The following COL25A1 variants were observed in gnomAD, a reference collection of about 807,000 sequenced individuals.
COL25A1 encodes collagen alpha-1(XXV) chain.
In COL25A1, 103 loss-of-function variants were observed where a neutral mutation model predicts 128.4. The ratio of observed to expected loss-of-function variants is 0.80; its 90% CI spans 0.68 to 0.94. The LOEUF (loss-of-function observed/expected upper bound fraction) is 0.94. Ranked by LOEUF, COL25A1 falls within the 40% of genes least tolerant of loss-of-function variation. The pLI, the probability that COL25A1 is intolerant of heterozygous loss-of-function variation, is 0.00. For synonymous variants in COL25A1, 279 were observed against 277.2 expected (o/e 1.01, Z -0.06); for missense variants, 745 against 840.0 (o/e 0.89, Z 1.40).
intron 3 of COL25A1, among the ~76,000 whole-genome samples, chr4:109,201,399 T>C (rs1776544173): frequency 6.6e-6 from 1 of 152,174 alleles, no homozygotes; most frequent in East Asian, 1.9e-4. Context: ...AATACAGTCA[T>C]ATAAATAGAT....
intron 3 of COL25A1, among the ~76,000 whole-genome samples, chr4:109,065,548 G>A (rs1472422910): frequency 8.9e-5 from 5 of 55,944 alleles, no homozygotes; most frequent in Admixed American, 2.3e-4. Context: ...GCGCGCGCGT[G>A]TGTGTGTGTG....
intron 3 of COL25A1, among the ~76,000 whole-genome samples, chr4:109,238,297 T>C (rs1348219890): frequency 6.6e-6 from 1 of 152,074 alleles, no homozygotes; most frequent in East Asian, 1.9e-4. Context: ...AGGGAGAGAA[T>C]AGCGAAACAC....
intron 35 of COL25A1, among the ~76,000 whole-genome samples, chr4:108,820,413 T>C (rs932695657): frequency 6.6e-6 from 1 of 152,272 alleles, no homozygotes; most frequent in Non-Finnish European, 1.5e-5. Flanking sequence ...TTATGATTGA[T>C]ATTACTTGTG....
intron 3 of COL25A1, among the ~76,000 whole-genome samples, chr4:109,298,229 T>C (rs2126291340): frequency 6.6e-6 from 1 of 152,266 alleles, no homozygotes; most frequent in South Asian, 2.1e-4. Flanking sequence ...CCTTTTCATC[T>C]CTCTCTCACA....
chr4:109,216,161 C>G (rs1777962813), intron 3 of COL25A1, among the ~76,000 whole-genome samples: 1 of 152,008 alleles, frequency 6.6e-6, no homozygotes, highest in South Asian at 2.1e-4. Context: ...TGCATGAGAT[C>G]AGGAACTTTG....
At chr4:109,082,973 T>C (rs895322694) in intron 3 of COL25A1, among the ~76,000 whole-genome samples, 4 of 152,192 alleles carry the variant, frequency 2.6e-5, no homozygotes, top group African/African-American at 7.2e-5. Flanking sequence ...ATGAGAAATA[T>C]AATATGATGA....
chr4:108,911,665 T>G (rs1446799328), intron 13 of COL25A1, among the ~76,000 whole-genome samples: 1 of 152,214 alleles, frequency 6.6e-6, no homozygotes, highest in Non-Finnish European at 1.5e-5. Context: ...CTTTTCCCAA[T>G]TATGGATACA....
At chr4:109,007,507 C>T (rs538712946) in intron 6 of COL25A1, among the ~76,000 whole-genome samples, 7 of 152,016 alleles carry the variant, frequency 4.6e-5, no homozygotes, top group South Asian at 2.1e-4. Context: ...AGAAAGATCA[C>T]GTGAGGGTAT....
At chr4:109,215,263 A>G (rs1777896022) in intron 3 of COL25A1, among the ~76,000 whole-genome samples, 1 of 152,194 alleles carries the variant, frequency 6.6e-6, no homozygotes, top group African/African-American at 2.4e-5. Flanking sequence ...ATGAAAGTAC[A>G]CAATTTCTTT....
chr4:108,839,359 C>CA (rs1734157243), intron 31 of COL25A1, among the ~76,000 whole-genome samples: 1 of 152,150 alleles, frequency 6.6e-6, no homozygotes, highest in Non-Finnish European at 1.5e-5. Flanking sequence ...ACTGGCATGG[C>CA]ATAAAAAGTT....
At chr4:109,019,346 A>ACG (rs2126061035) in intron 5 of COL25A1, among the ~76,000 whole-genome samples, 1 of 40,168 alleles carries the variant, frequency 2.5e-5, no homozygotes, top group East Asian at 1.4e-3. Flanking sequence ...GTATACACAC[A>ACG]CATACACACA....
chr4:109,264,558 G>A (rs1781667171), intron 3 of COL25A1, among the ~76,000 whole-genome samples: 1 of 152,220 alleles, frequency 6.6e-6, no homozygotes, highest in Non-Finnish European at 1.5e-5. Flanking sequence ...AATTATGGGT[G>A]GTGCCAGGGA....
chr4:109,149,526 A>G (rs2126099462), intron 3 of COL25A1, among the ~76,000 whole-genome samples: 1 of 152,240 alleles, frequency 6.6e-6, no homozygotes, highest in South Asian at 2.1e-4. Flanking sequence ...ACCTCTGCCC[A>G]TGGGAATTTA....
intron 3 of COL25A1, among the ~76,000 whole-genome samples, chr4:109,170,873 TTCTATGACCA>T (rs952334929): frequency 6.6e-6 from 1 of 152,144 alleles, no homozygotes. Context: ...CACATTGTGC[TTCTATGACCA>T]TTTCACGTGG....
chr4:109,000,130 C>T (rs1755203020), intron 6 of COL25A1, among the ~76,000 whole-genome samples: 1 of 151,176 alleles, frequency 6.6e-6, no homozygotes, highest in Non-Finnish European at 1.5e-5. Context: ...AAAAAAAGCT[C>T]TGCAAAAAAA....
intron 3 of COL25A1, among the ~76,000 whole-genome samples, chr4:109,170,948 A>G (rs1392806229): frequency 2.0e-5 from 3 of 152,030 alleles, no homozygotes; most frequent in Non-Finnish European, 4.4e-5. Context: ...TCAACTGCAA[A>G]TGTGTAGAGG....
At chr4:108,899,009 A>ATC (rs1742502385) in intron 15 of COL25A1, 145 bp downstream of exon 15, 3 of 640,862 alleles carry the variant, frequency 4.7e-6, no homozygotes, top group Admixed American at 3.0e-5. Flanking sequence ...CTATATATCT[A>ATC]TATACCTACC....
intron 5 of COL25A1, among the ~76,000 whole-genome samples, chr4:109,010,585 ATAGTC>A (rs1756480113): frequency 6.6e-6 from 1 of 152,200 alleles, no homozygotes; most frequent in Non-Finnish European, 1.5e-5. Context: ...TCCTGATATT[ATAGTC>A]TATTTAACTC....
intron 6 of COL25A1, among the ~76,000 whole-genome samples, chr4:108,994,498 G>C (rs1213279301): frequency 6.6e-6 from 1 of 152,242 alleles, no homozygotes; most frequent in African/African-American, 2.4e-5. Flanking sequence ...GGTCAGCAAG[G>C]CCTACTGCCT....
Sources: gnomAD v4.1 joint callset for allele counts (sites outside exome capture counted in the v4.1 genomes callset) on GRCh38, gnomAD v4.1.1 for gene constraint, MANE v1.5 for transcripts, NCBI Gene and HGNC (gene_info 2026-07-23, HGNC 2026-07-21) for gene names.